ZUP1: variants seen among roughly 807,000 people sequenced by gnomAD.
ZUP1 encodes the protein zinc finger containing ubiquitin peptidase 1.
In ZUP1, 55 loss-of-function variants were observed where a neutral mutation model predicts 68.1. The observed-to-expected ratio is 0.81, with a 90% CI of 0.65 to 1.01. The LOEUF (loss-of-function observed/expected upper bound fraction) is 1.01. Among genes scored for constraint, ZUP1 ranks in the 50% least tolerant of loss-of-function variants. The pLI is 0.00. For missense variants in ZUP1, 684 were observed against 674.9 expected, an observed-to-expected ratio of 1.01 and a Z score of -0.15; for synonymous variants, 223 against 221.5, an observed-to-expected ratio of 1.01 and a Z score of -0.06.
At chr6:116,645,638 C>A in intron 9 of ZUP1, 76 bp downstream of exon 9, 102 of 930,202 alleles carry the variant, frequency 1.1e-4, no homozygotes, top group East Asian at 4.7e-4. Context: ...AGTGATAACA[C>A]TGATTTTAAA....
In ZUP1 at chr6:116,667,146, T is replaced by C; in HGVS notation, c.47A>G (p.Asp16Gly). 1 of 1,610,734 alleles carries C rather than the reference T, an allele frequency of 6.2e-7. No individual in the cohort carries two copies. The highest frequency in any genetic ancestry group is 8.5e-7 in the Non-Finnish European group (1 of 1,178,354). Reference protein sequence around the residue: ...ICGETVTSEPDMKAHLIVHME... With the variant: ...ICGETVTSEPGMKAHLIVHME... ...GTGAACAATTAGGTGAGCTTTCATG[T>C]CTGGTTCTGAGGTTACTGTTTCACC... The change falls in exon 2 of 10, where the codon GAC becomes GGC. Residue 16 changes from aspartate to glycine, a missense_variant. By Grantham distance (94) the Asp-to-Gly change is moderately conservative. Coordinates refer to ENST00000368576, the MANE Select transcript of ZUP1 (RefSeq NM_145062.3).
chr6:116,635,764 G>T lies in ZUP1; in HGVS notation c.*68C>A. ...CACAGATTCATAATTGTATTAAGGA[G>T]TTCAATATCTACATTTAGAAAACAA... On this transcript the variant is annotated 3_prime_UTR_variant, in exon 10 of 10. Coordinates refer to ENST00000368576, the MANE Select transcript of ZUP1 (RefSeq NM_145062.3). 7.8e-7 allele frequency: 1 copy of T among 1,275,226 alleles called. No individual in the cohort carries two copies. The highest frequency in any genetic ancestry group is 1.1e-6 in the Non-Finnish European group (1 of 907,172). The allele number at this position is 1,275,226 out of a possible 1,614,324, so 79.0% of individuals were successfully genotyped here.
At chr6:116,655,303 T>G (rs1327428345) in intron 5 of ZUP1, among the ~76,000 whole-genome samples, 1 of 152,190 alleles carries the variant, frequency 6.6e-6, no homozygotes, top group Non-Finnish European at 1.5e-5. Flanking sequence ...CCAATATATT[T>G]GAGCAAAACA....
chr6:116,659,735 G>C (rs1207326074), intron 3 of ZUP1, among the ~76,000 whole-genome samples: 1 of 152,116 alleles, frequency 6.6e-6, no homozygotes, highest in Non-Finnish European at 1.5e-5. Flanking sequence ...ATCTCATCCT[G>C]CATCTTCTCT....
chr6:116,638,077 A>T (rs1214813002), intron 9 of ZUP1, among the ~76,000 whole-genome samples: 1 of 151,800 alleles, frequency 6.6e-6, no homozygotes, highest in East Asian at 1.9e-4. Context: ...AAAAAAAAAA[A>T]AAAAAAAACC....
intron 9 of ZUP1, 82 bp from the exon 10 acceptor site, chr6:116,635,961 A>G (rs1775901119): frequency 4.0e-6 from 4 of 1,000,688 alleles, no homozygotes. Context: ...TGTAAAAAAT[A>G]AAATCTGGAA....
Position 116,658,889 on chromosome 6 carries a change from A to G in ZUP1, c.706T>C (p.Leu236=), listed in dbSNP as rs1297021033. The G allele has an allele frequency of 9.3e-6, 15 of 1,612,042 alleles. No homozygotes were observed. Among genetic ancestry groups the G allele is most frequent in the African/African-American group, 8.0e-5 (6 of 74,876 alleles). The change falls in exon 4 of 10, where the codon TTG becomes CTG. Residue 236 remains leucine (L), a synonymous_variant. Coordinates refer to ENST00000368576, the MANE Select transcript of ZUP1 (RefSeq NM_145062.3). ...TCTTCTTGCTGAAGCTGGTGAGCCA[A>G]TTGTAGATCACCAGAACACTGGACT... The part of the protein sequence containing the change: ...DRVQCSGDLQ[L]AHQLQQEEDR...
At chr6:116,660,675 G>T in intron 3 of ZUP1, 61 bp downstream of exon 3, 2 of 872,200 alleles carry the variant, frequency 2.3e-6, no homozygotes, top group East Asian at 2.9e-5. Flanking sequence ...CTAAAAATTA[G>T]ATATGTGTCC....
At chr6:116,659,174 G>A (rs1776759400) in intron 3 of ZUP1, among the ~76,000 whole-genome samples, 1 of 152,162 alleles carries the variant, frequency 6.6e-6, no homozygotes, top group Non-Finnish European at 1.5e-5. Flanking sequence ...TTATTGCCCA[G>A]GCTGGAGTAC....
At chr6:116,656,593 A>G in intron 5 of ZUP1, 91 bp downstream of exon 5, 1 of 1,042,514 alleles carries the variant, frequency 9.6e-7, no homozygotes, top group Non-Finnish European at 1.4e-6. Context: ...TGCACAGATT[A>G]TGAAAATTAA....
chr6:116,649,227 A>G (rs964573638), intron 7 of ZUP1, among the ~76,000 whole-genome samples: 7 of 152,184 alleles, frequency 4.6e-5, no homozygotes, highest in African/African-American at 1.7e-4. Flanking sequence ...TGTGGTAAAA[A>G]GAATGTGATA....
In ZUP1 at chr6:116,668,599, C is replaced by G. The variant is rs1469354200; in HGVS notation, c.-49G>C. ...AGGCCAGCAGCTGCCACACTGAGCT[C>G]CGCTAGGCTTCCCCTTTGGGCCTCG... On this transcript the variant is annotated 5_prime_UTR_variant, in exon 1 of 10. Coordinates refer to ENST00000368576, the MANE Select transcript of ZUP1 (RefSeq NM_145062.3). 1 of 152,732 alleles carries G rather than the reference C, an allele frequency of 6.5e-6. No individual in the cohort carries two copies. The allele number at this position is 152,732 out of a possible 1,614,324, so 9.5% of individuals were successfully genotyped here. A position where few individuals can be genotyped will look rare whatever the true frequency, so the allele number is the denominator to read the frequency against.
Position 116,647,191 on chromosome 6 carries a change from T to C in ZUP1, c.1468+268A>G, listed in dbSNP as rs563454800. 6.6e-5 allele frequency among the ~76,000 whole-genome samples: 10 copies of C among 152,252 alleles called. No homozygotes were observed. In the South Asian group the frequency reaches 1.9e-3, roughly 28 times the overall value. On this transcript the variant is annotated intron_variant, in intron 8 of 9. Coordinates refer to ENST00000368576, the MANE Select transcript of ZUP1 (RefSeq NM_145062.3). ...CTGGCCAACATGGTGAAACCCCGTT[T>C]CTACTAAAAATACAAAAATTAGCCA...
chr6:116,643,855 C>T (rs1465261159), intron 9 of ZUP1, among the ~76,000 whole-genome samples: 1 of 152,070 alleles, frequency 6.6e-6, no homozygotes, highest in Non-Finnish European at 1.5e-5. Flanking sequence ...AATTAAACTA[C>T]AGAGCTTCTG....
At chr6:116,640,723 A>G (rs6568956) in intron 9 of ZUP1, among the ~76,000 whole-genome samples, 54,773 of 151,160 alleles carry the variant, frequency 0.36, 10,568 homozygotes, top group African/African-American at 0.5. Context: ...GGTACCAGCC[A>G]CTGCAAAATC....
At chr6:116,641,082 G>T (rs1312939510) in intron 9 of ZUP1, among the ~76,000 whole-genome samples, 1 of 147,536 alleles carries the variant, frequency 6.8e-6, no homozygotes, top group Non-Finnish European at 1.5e-5. Context: ...AAGATCAAAA[G>T]AGACAAAGGA....
intron 2 of ZUP1, among the ~76,000 whole-genome samples, chr6:116,661,660 G>T (rs1471019294): frequency 6.6e-6 from 1 of 152,172 alleles, no homozygotes. Context: ...AGCAGATAAG[G>T]GACATAGAAG....
chr6:116,665,627 C>T (rs977713916), intron 2 of ZUP1, among the ~76,000 whole-genome samples: 3 of 138,230 alleles, frequency 2.2e-5, no homozygotes, highest in Non-Finnish European at 4.5e-5. Flanking sequence ...GAGTGGAGTG[C>T]GGAGTGCAGT....
intron 7 of ZUP1, 121 bp from the exon 8 acceptor site, chr6:116,647,731 T>G: frequency 2.7e-6 from 2 of 734,088 alleles, no homozygotes; most frequent in South Asian, 1.1e-4. Context: ...TACTTTCCTA[T>G]AAAAGAAGAA....
Sources: allele counts gnomAD v4.1 joint callset (sites outside exome capture counted in the v4.1 genomes callset), GRCh38; gene constraint gnomAD v4.1.1; transcripts MANE v1.5; gene names NCBI Gene and HGNC (gene_info 2026-07-23, HGNC 2026-07-21).